The following OTUD4 variants were observed in gnomAD, a reference collection of about 807,000 sequenced individuals.
OTUD4 encodes OTU deubiquitinase 4, also known as OTU domain-containing protein 4.
In OTUD4, 24 loss-of-function variants were observed where a neutral mutation model predicts 130.4. That is an observed-to-expected ratio of 0.18 (90% CI 0.13 to 0.26). The LOEUF is 0.26. OTUD4 is among the 10% of genes least tolerant of loss of function. The probability of loss-of-function intolerance (pLI) is 1.00; values close to 1 mark genes in which losing one functional copy is unlikely to be tolerated. For missense variants in OTUD4, 1,031 were observed against 1,329.4 expected, an observed-to-expected ratio of 0.78 and a Z score of 3.49; for synonymous variants, 420 against 472.5, an observed-to-expected ratio of 0.89 and a Z score of 1.44.
chr4:145,171,435 C>A, intron 3 of OTUD4: 1 of 380,806 alleles, frequency 2.6e-6, no homozygotes, highest in African/African-American at 2.1e-5. Flanking sequence ...ACTACATTTA[C>A]ATGCCATTAT....
In OTUD4 at chr4:145,136,388, C is replaced by T. The variant is rs1750257407; in HGVS notation, c.*1042G>A. 7.3e-6 allele frequency: 1 copy of T among 137,778 alleles called. No homozygotes were observed. The highest frequency in any genetic ancestry group is 8.7e-5 in the Admixed American group (1 of 11,508). 8.5% of individuals were successfully genotyped at this position (137,778 alleles called of 1,614,324 possible). A position where few individuals can be genotyped will look rare whatever the true frequency, so the allele number is the denominator to read the frequency against. On this transcript the variant is annotated 3_prime_UTR_variant, in exon 21 of 21. Coordinates refer to ENST00000447906, the MANE Select transcript of OTUD4 (RefSeq NM_001366057.1). Reference sequence around the variant, plus strand: ...GAACTAGAAGTCACAATCATATTATCTTCTATACAATAGTTCCAGCCCTGA... The same window carrying T: ...GAACTAGAAGTCACAATCATATTATTTTCTATACAATAGTTCCAGCCCTGA...
intron 10 of OTUD4, among the ~76,000 whole-genome samples, chr4:145,154,709 G>T (rs979999949): frequency 9.2e-5 from 14 of 152,120 alleles, no homozygotes; most frequent in African/African-American, 3.1e-4. Context: ...AGAGGGAGAT[G>T]AGGGAGGCTG....
chr4:145,157,561 G>A (rs1227456510), intron 7 of OTUD4, among the ~76,000 whole-genome samples: 2 of 151,934 alleles, frequency 1.3e-5, no homozygotes, highest in African/African-American at 4.8e-5. Context: ...GCACATGCCT[G>A]TAATCCTAGC....
chr4:145,140,289 T>G (rs1209557433), intron 19 of OTUD4, among the ~76,000 whole-genome samples: 4 of 152,320 alleles, frequency 2.6e-5, no homozygotes, highest in South Asian at 4.1e-4. Flanking sequence ...CAGGTGGCTT[T>G]CTTTCTCAAC....
rs2126724913 is a variant in OTUD4 at position 145,134,265 on chromosome 4, A to G, written c.*3165T>C. On this transcript the variant is annotated 3_prime_UTR_variant, in exon 21 of 21. Coordinates refer to ENST00000447906, the MANE Select transcript of OTUD4 (RefSeq NM_001366057.1). ...AATAGCATTTAGACATAAAGTAGGA[A>G]GCAAAATACAGTAAACAGAAATAGT... is the stretch of plus-strand genomic sequence containing the variant. The G allele has an allele frequency of 6.4e-6, 1 of 155,360 alleles. No homozygotes were observed. The highest frequency in any genetic ancestry group is 1.9e-4 in the East Asian group (1 of 5,270). 9.6% of individuals were successfully genotyped at this position (155,360 alleles called of 1,614,324 possible).
Position 145,135,176 on chromosome 4 carries a change from T to G in OTUD4, c.*2254A>C, listed in dbSNP as rs1327576803. On this transcript the variant is annotated 3_prime_UTR_variant, in exon 21 of 21. Transcript: ENST00000447906. ...TTATTCCAGAGGTCACTGAGAAAAG[T>G]ACCATCTGCTAAAATTCTCTTTCAA... 4.4e-6 allele frequency: 1 copy of G among 229,380 alleles called. No individual in the cohort carries two copies. Among genetic ancestry groups the G allele is most frequent in the Non-Finnish European group, 8.4e-6 (1 of 118,838 alleles). The allele number at this position is 229,380 out of a possible 1,614,324, so 14.2% of individuals were successfully genotyped here.
At chr4:145,150,469 C>T in intron 13 of OTUD4, 44 bp downstream of exon 13, 1 of 1,347,956 alleles carries the variant, frequency 7.4e-7, no homozygotes, top group Non-Finnish European at 1.0e-6. Context: ...TAACAAATGC[C>T]TCTTACTTGA....
At chr4:145,144,125 T>C (rs1022685176) in intron 15 of OTUD4, 124 bp from the exon 16 acceptor site, 3 of 1,058,682 alleles carry the variant, frequency 2.8e-6, no homozygotes, top group African/African-American at 3.2e-5. Context: ...TCAGTGAAAA[T>C]GTAGTTTTTA....
At chr4:145,177,388 A>T (rs1009071719) in intron 1 of OTUD4, among the ~76,000 whole-genome samples, 9 of 152,126 alleles carry the variant, frequency 5.9e-5, no homozygotes, top group Non-Finnish European at 8.8e-5. Context: ...CAACTTCTAT[A>T]AAGTGTGAGA....
intron 11 of OTUD4, 111 bp from the exon 12 acceptor site, chr4:145,151,016 A>G: frequency 3.4e-6 from 2 of 583,232 alleles, no homozygotes; most frequent in Non-Finnish European, 5.6e-6. Context: ...TATTTCTTAC[A>G]TTAAAAACAA....
At chr4:145,139,597 C>T (rs36226994) in intron 20 of OTUD4, among the ~76,000 whole-genome samples, 234 of 152,324 alleles carry the variant, frequency 1.5e-3, no homozygotes, top group African/African-American at 5.5e-3. Context: ...AGATACACTA[C>T]ATGGCTTGCC....
At chr4:145,160,003 G>A (rs1751480811) in intron 6 of OTUD4, among the ~76,000 whole-genome samples, 1 of 152,180 alleles carries the variant, frequency 6.6e-6, no homozygotes, top group Non-Finnish European at 1.5e-5. Flanking sequence ...ATATCCTTAC[G>A]TTTAATTCCA....
Position 145,174,592 on chromosome 4 carries a change from G to C in OTUD4, c.243+69C>G, listed in dbSNP as rs1579293366. ...AGATCCAGCCTGTGAAATTCTACTA[G>C]AACACTTCTAAAAGCCAAAATGTAA... On this transcript the variant is annotated intron_variant, in intron 2 of 20. Transcript: ENST00000447906. The C allele has an allele frequency of 7.1e-6, 6 of 842,610 alleles. No homozygotes were observed. The East Asian group carries it at 9.8e-5, about 14-fold the overall frequency. The allele number at this position is 842,610 out of a possible 1,614,324, so 52.2% of individuals were successfully genotyped here. A position where few individuals can be genotyped will look rare whatever the true frequency, so the allele number is the denominator to read the frequency against.
In OTUD4 at chr4:145,144,000, G is replaced by T; in HGVS notation, c.1548C>A (p.Asp516Glu). 1 of 1,610,250 alleles carries T rather than the reference G, an allele frequency of 6.2e-7. No individual in the cohort carries two copies. The highest frequency in any genetic ancestry group is 8.5e-7 in the Non-Finnish European group (1 of 1,176,904). The change falls in exon 16 of 21, where the codon GAC becomes GAA. Residue 516 changes from aspartate (D) to glutamate (E), a missense_variant and splice_region_variant. By Grantham distance (45) the Asp-to-Glu change is conservative. Transcript: ENST00000447906. ...CCAACTGACTATGTCCATGAATAGA[G>T]TCTATAGCAGATCAAGATTAAAAAA... ...RMDTEERKDKDSIHGHSQLDK... is the reference protein window; with the variant it reads ...RMDTEERKDKESIHGHSQLDK...
At position 145,137,191 on chromosome 4, in the gene OTUD4, G is replaced by T; in HGVS notation, c.*239C>A. 1 of 390,908 alleles carries T rather than the reference G, an allele frequency of 2.6e-6. No homozygotes were observed. The highest frequency in any genetic ancestry group is 4.0e-5 in the East Asian group (1 of 25,208). 24.2% of individuals were successfully genotyped at this position (390,908 alleles called of 1,614,324 possible). A position where few individuals can be genotyped will look rare whatever the true frequency, so the allele number is the denominator to read the frequency against. On this transcript the variant is annotated 3_prime_UTR_variant, in exon 21 of 21. Transcript: ENST00000447906. Reference sequence around the variant, plus strand: ...AACAAACTTATCTTCTACTTTTTACGGGGACAGTCACTTGATCAACAAACA... The same window carrying T: ...AACAAACTTATCTTCTACTTTTTACTGGGACAGTCACTTGATCAACAAACA...
At chr4:145,138,900 T>G (rs1195488583) in intron 20 of OTUD4, among the ~76,000 whole-genome samples, 1 of 152,214 alleles carries the variant, frequency 6.6e-6, no homozygotes, top group Admixed American at 6.5e-5. Context: ...TGATAGGAGA[T>G]AGTATCTCCA....
chr4:145,150,611 T>C lies in OTUD4; in HGVS notation c.1161A>G (p.Val387=). 2 of 1,613,520 alleles carry C rather than the reference T, an allele frequency of 1.2e-6. No individual in the cohort carries two copies. Among genetic ancestry groups the C allele is most frequent in the Non-Finnish European group, 1.7e-6 (2 of 1,179,442 alleles). ...LPPRLQHPSG[V]RQHAFSSHSS... ...AATGACTAGAGAACGCATGTTGTCT[T>C]ACTCCTGAAGGATGCTGCAGTCGAG... The change falls in exon 13 of 21, where the codon GTA becomes GTG. Residue 387 remains valine, a synonymous_variant. Coordinates refer to ENST00000447906, the MANE Select transcript of OTUD4 (RefSeq NM_001366057.1).
chr4:145,150,911 A>G lies in OTUD4; in HGVS notation c.969-6T>C, dbSNP rs1197987194. ...TGAGGTTCTTTGATGTGTGCCTTCA[A>G]AGGGGAAAAGACTTGTGATAGCTTA... On this transcript the variant is annotated splice_polypyrimidine_tract_variant and splice_region_variant and intron_variant, in intron 11 of 20. Transcript: ENST00000447906. 1 of 1,593,482 alleles carries G rather than the reference A, an allele frequency of 6.3e-7. No homozygotes were observed. The highest frequency in any genetic ancestry group is 8.6e-7 in the Non-Finnish European group (1 of 1,164,248).
intron 3 of OTUD4, among the ~76,000 whole-genome samples, chr4:145,169,886 C>A (rs1006546299): frequency 1.3e-5 from 2 of 152,236 alleles, no homozygotes; most frequent in African/African-American, 2.4e-5. Flanking sequence ...TCCCTCAGAA[C>A]TGGAACACAG....
Sources: allele counts gnomAD v4.1 joint callset (sites outside exome capture counted in the v4.1 genomes callset), GRCh38; gene constraint gnomAD v4.1.1; transcripts MANE v1.5; gene names NCBI Gene and HGNC (gene_info 2026-07-23, HGNC 2026-07-21).